Variants in INSC observed in about 807,000 individuals in gnomAD.
INSC encodes the protein INSC spindle orientation adaptor protein, also known as protein inscuteable homolog.
Under a neutral mutation model 58.6 loss-of-function variants are expected in INSC, and 67 were observed. That is an observed-to-expected ratio of 1.14 (90% CI 0.94 to 1.40). INSC has a LOEUF of 1.40. Ranked by LOEUF, INSC falls within the 40% of genes most tolerant of loss-of-function variation. The pLI, the probability that INSC is intolerant of heterozygous loss-of-function variation, is 0.00. For missense variants in INSC, 714 were observed against 692.0 expected (o/e 1.03, Z -0.36); for synonymous variants, 262 against 276.1 (o/e 0.95, Z 0.51).
At chr11:15,256,774 C>A in the INSC span, among the ~76,000 whole-genome samples, 2 of 152,154 alleles carry the variant, frequency 1.3e-5, no homozygotes, top group East Asian at 3.9e-4. Context: ...ACGGGTGAGG[C>A]ACTGCACCTG....
chr11:15,249,884 T>C (rs1057275207), downstream of INSC, among the ~76,000 whole-genome samples: 4 of 152,230 alleles, frequency 2.6e-5, no homozygotes, highest in Non-Finnish European at 5.9e-5. Flanking sequence ...ATTGAGGCCA[T>C]GGGCATAAAG....
chr11:15,130,245 A>G (rs1416422061), intron 1 of INSC, among the ~76,000 whole-genome samples: 2 of 152,230 alleles, frequency 1.3e-5, no homozygotes. Flanking sequence ...TAGATGACCT[A>G]TAATCAGTTT....
At chr11:15,125,539 C>T (rs1449921747) in intron 1 of INSC, among the ~76,000 whole-genome samples, 4 of 152,124 alleles carry the variant, frequency 2.6e-5, no homozygotes, top group Non-Finnish European at 4.4e-5. Context: ...TCCACTTATT[C>T]ATTCATTTAT....
At chr11:15,121,944 C>T (rs1217809952) in intron 1 of INSC, among the ~76,000 whole-genome samples, 1 of 152,138 alleles carries the variant, frequency 6.6e-6, no homozygotes, top group African/African-American at 2.4e-5. Flanking sequence ...TTTACTATAG[C>T]AAGAAGTTAC....
At chr11:15,183,213 T>C (rs1320658882) in intron 5 of INSC, among the ~76,000 whole-genome samples, 1 of 151,824 alleles carries the variant, frequency 6.6e-6, no homozygotes, top group Non-Finnish European at 1.5e-5. Flanking sequence ...TAGCCAGGCA[T>C]GGTGGCACAT....
chr11:15,168,790 C>G (rs1396392492), intron 2 of INSC, among the ~76,000 whole-genome samples: 1 of 152,062 alleles, frequency 6.6e-6, no homozygotes, highest in African/African-American at 2.4e-5. Context: ...AGAAGGGGCT[C>G]AAGGGAGAGT....
chr11:15,143,886 A>C (rs993828867), intron 1 of INSC, among the ~76,000 whole-genome samples: 5 of 152,206 alleles, frequency 3.3e-5, no homozygotes, highest in African/African-American at 1.2e-4. Flanking sequence ...ATTGAAAAAA[A>C]GCCTACAATG....
the INSC span, among the ~76,000 whole-genome samples, chr11:15,253,904 G>C: frequency 3.3e-5 from 5 of 152,086 alleles, no homozygotes; most frequent in African/African-American, 4.8e-5. Flanking sequence ...CTATGTTCTG[G>C]GTAAGAAGTC....
chr11:15,199,422 G>A (rs563587445), intron 6 of INSC, among the ~76,000 whole-genome samples: 74 of 152,188 alleles, frequency 4.9e-4, no homozygotes, highest in Middle Eastern at 3.2e-3. Flanking sequence ...AAGGGCGCAT[G>A]AGCCTATCAT....
At chr11:15,179,472 G>C (rs950285987) in intron 5 of INSC, among the ~76,000 whole-genome samples, 2 of 152,184 alleles carry the variant, frequency 1.3e-5, no homozygotes, top group Non-Finnish European at 2.9e-5. Flanking sequence ...GCCGAGCCCA[G>C]GGTTTGCTTT....
At chr11:15,243,769 C>T (rs1037504646) in intron 12 of INSC, among the ~76,000 whole-genome samples, 4 of 151,790 alleles carry the variant, frequency 2.6e-5, no homozygotes, top group African/African-American at 9.7e-5. Flanking sequence ...ATCACCATAA[C>T]TCCTTTCTCT....
At chr11:15,137,876 T>C (rs1848282241) in intron 1 of INSC, among the ~76,000 whole-genome samples, 1 of 152,246 alleles carries the variant, frequency 6.6e-6, no homozygotes, top group Non-Finnish European at 1.5e-5. Flanking sequence ...CCTAACCGTT[T>C]GGCACAAGAG....
At chr11:15,226,815 AGG>A (rs1564914976) in intron 9 of INSC, among the ~76,000 whole-genome samples, 4 of 152,160 alleles carry the variant, frequency 2.6e-5, no homozygotes, top group Non-Finnish European at 4.4e-5. Flanking sequence ...TTATCTAATG[AGG>A]TTATTCCTCT....
chr11:15,233,955 A>G (rs1200364488), intron 9 of INSC, among the ~76,000 whole-genome samples: 1 of 152,186 alleles, frequency 6.6e-6, no homozygotes, highest in Non-Finnish European at 1.5e-5. Context: ...CTCTTGGGGA[A>G]CTTTCCAACC....
intron 6 of INSC, among the ~76,000 whole-genome samples, chr11:15,196,424 A>G (rs951052160): frequency 1.3e-5 from 2 of 152,128 alleles, no homozygotes; most frequent in Non-Finnish European, 2.9e-5. Flanking sequence ...TGCTATTTCC[A>G]TTTCACCAGC....
chr11:15,139,715 T>A (rs1478816246), intron 1 of INSC, among the ~76,000 whole-genome samples: 1 of 152,226 alleles, frequency 6.6e-6, no homozygotes, highest in African/African-American at 2.4e-5. Context: ...CAGCTATTAA[T>A]GGATGGAGCT....
intron 7 of INSC, among the ~76,000 whole-genome samples, chr11:15,207,263 C>T (rs761116123): frequency 5.9e-5 from 9 of 152,202 alleles, no homozygotes; most frequent in Non-Finnish European, 1.0e-4. Context: ...AGACCAGAGA[C>T]GGCCTCACTT....
At chr11:15,119,142 G>A (rs1423007738) in intron 1 of INSC, among the ~76,000 whole-genome samples, 1 of 152,182 alleles carries the variant, frequency 6.6e-6, no homozygotes, top group Non-Finnish European at 1.5e-5. Flanking sequence ...GAGGCTAAGG[G>A]GCTTGACTTC....
chr11:15,221,792 A>G (rs1851452515), intron 8 of INSC, 144 bp downstream of exon 8: 3 of 737,206 alleles, frequency 4.1e-6, no homozygotes, highest in Non-Finnish European at 6.4e-6. Context: ...CTGAAATCCC[A>G]CAATTAATGG....
Sources: allele counts gnomAD v4.1 joint callset (sites outside exome capture counted in the v4.1 genomes callset), GRCh38; gene constraint gnomAD v4.1.1; transcripts MANE v1.5; gene names NCBI Gene and HGNC (gene_info 2026-07-23, HGNC 2026-07-21).